Variants in MAU2 observed in about 807,000 individuals in gnomAD.
MAU2 encodes the protein MAU2 chromatid cohesion factor homolog.
MAU2 carries 9 observed loss-of-function variants against 89.1 expected under a neutral mutation model. The ratio of observed to expected loss-of-function variants is 0.10; its 90% CI spans 0.06 to 0.18. MAU2 has a LOEUF of 0.18. MAU2 is among the 10% of genes least tolerant of loss of function. The pLI, the probability that MAU2 is intolerant of heterozygous loss-of-function variation, is 1.00. For synonymous variants in MAU2, 357 were observed against 343.4 expected, an observed-to-expected ratio of 1.04 and a Z score of -0.44; for missense variants, 425 against 803.5, an observed-to-expected ratio of 0.53 and a Z score of 5.69.
intron 1 of MAU2, 38 bp downstream of exon 1, chr19:19,321,173 C>T (rs2146641419): frequency 6.5e-7 from 1 of 1,543,510 alleles, no homozygotes; most frequent in Admixed American, 1.8e-5. Context: ...GAGTCGCGGG[C>T]TCCTTGCAAG....
rs1292507552 is a variant in MAU2, at chr19:19,328,682, A to C, written c.277-7036A>C. Among the ~76,000 whole-genome samples the C allele has an allele frequency of 8.5e-5, 13 of 152,120 alleles. No individual in the cohort carries two copies. The East Asian group carries it at 2.5e-3, about 29-fold the overall frequency. On this transcript the variant is annotated intron_variant, in intron 1 of 18. Transcript: ENST00000262815. ...GTAATCCGCCCGCCTCAGCCTCCCA[A>C]AGTGCTGGGATTACAGGCGTGAGCC...
chr19:19,355,416 G>A (rs758373767), intron 18 of MAU2, 25 bp downstream of exon 18: 17 of 1,612,800 alleles, frequency 1.1e-5, no homozygotes, highest in Middle Eastern at 1.6e-4. Context: ...GTTAGGGGAC[G>A]GGATCAGGAC....
rs1000927826 is a variant in MAU2, at chr19:19,356,926, G to A, written c.*1144G>A. 1 of 152,242 alleles carries A rather than the reference G, an allele frequency of 6.6e-6. No individual in the cohort carries two copies. The highest frequency in any genetic ancestry group is 1.5e-5 in the Non-Finnish European group (1 of 68,102). The allele number at this position is 152,242 out of a possible 1,614,324, so 9.4% of individuals were successfully genotyped here. A position where few individuals can be genotyped will look rare whatever the true frequency, so the allele number is the denominator to read the frequency against. On this transcript the variant is annotated 3_prime_UTR_variant, in exon 19 of 19. Transcript: ENST00000262815. ...TGGGGCGGGTGGTCGGGTCAAGATA[G>A]CAGCAGCAGGTGTCAGGGCTCAAGA... is the stretch of plus-strand genomic sequence containing the variant.
intron 1 of MAU2, among the ~76,000 whole-genome samples, chr19:19,325,240 A>G (rs11883222): frequency 1.4e-3 from 206 of 152,216 alleles, no homozygotes; most frequent in African/African-American, 4.2e-3. Context: ...CAATGGCGCA[A>G]TCTTGGCTCA....
chr19:19,332,657 C>T (rs8103197), intron 1 of MAU2, among the ~76,000 whole-genome samples: 87,166 of 151,844 alleles, frequency 0.57, 26,385 homozygotes, highest in East Asian at 0.67. Flanking sequence ...CCCAGCTCAC[C>T]AGTGCTCACT....
At chr19:19,327,549 T>A (rs2061521675) in intron 1 of MAU2, among the ~76,000 whole-genome samples, 1 of 151,752 alleles carries the variant, frequency 6.6e-6, no homozygotes, top group Admixed American at 6.6e-5. Context: ...ATGGTCTTGA[T>A]CTCCTGACCT....
intron 4 of MAU2, among the ~76,000 whole-genome samples, chr19:19,338,015 C>G (rs2061611409): frequency 2.0e-5 from 3 of 152,252 alleles, no homozygotes; most frequent in Admixed American, 2.0e-4. Context: ...CGGCCTCTCT[C>G]TTCCATGACC....
chr19:19,329,461 C>G (rs2061537634), intron 1 of MAU2, among the ~76,000 whole-genome samples: 2 of 152,156 alleles, frequency 1.3e-5, no homozygotes, highest in South Asian at 4.1e-4. Flanking sequence ...GCACCTACTA[C>G]ATGCCAGGCC....
At chr19:19,342,976 G>A (rs1248455197) in intron 9 of MAU2, 110 bp downstream of exon 9, 3 of 1,134,200 alleles carry the variant, frequency 2.6e-6, no homozygotes, top group African/African-American at 3.0e-5. Flanking sequence ...GCAGCGCCCA[G>A]CCACCCTGCC....
intron 5 of MAU2, among the ~76,000 whole-genome samples, chr19:19,340,436 G>A (rs1269291678): frequency 3.3e-5 from 5 of 151,638 alleles, no homozygotes; most frequent in African/African-American, 7.3e-5. Flanking sequence ...TCAGGAGATC[G>A]AGACCATCCT....
intron 16 of MAU2, chr19:19,354,095 C>T: frequency 1.9e-6 from 1 of 529,554 alleles, no homozygotes; most frequent in Non-Finnish European, 3.4e-6. Context: ...CAGGTAGAAG[C>T]CCCCAAAGTT....
intron 18 of MAU2, 148 bp from the exon 19 acceptor site, chr19:19,355,559 AC>A: frequency 8.3e-7 from 1 of 1,200,382 alleles, no homozygotes; most frequent in Non-Finnish European, 1.2e-6. Flanking sequence ...CAAGCAAGGG[AC>A]CCAGGTGTCT....
chr19:19,347,389 G>C (rs1456715516), intron 13 of MAU2, 23 bp downstream of exon 13: 1 of 1,570,414 alleles, frequency 6.4e-7, no homozygotes, highest in South Asian at 1.1e-5. Flanking sequence ...CTTCATGTTC[G>C]GTATCCTTTC....
chr19:19,329,198 C>G (rs940564771), intron 1 of MAU2: 37 of 447,110 alleles, frequency 8.3e-5, no homozygotes, highest in Non-Finnish European at 1.4e-4. Context: ...ACAACTGTGT[C>G]CTGCTAAATT....
At chr19:19,324,080 C>T (rs552158630) in intron 1 of MAU2, among the ~76,000 whole-genome samples, 55 of 152,246 alleles carry the variant, frequency 3.6e-4, no homozygotes, top group Admixed American at 3.5e-3. Flanking sequence ...TTTCTGCCCA[C>T]GTAAGCCTAG....
intron 1 of MAU2, among the ~76,000 whole-genome samples, chr19:19,331,766 C>CT (rs1221361641): frequency 5.3e-5 from 8 of 152,182 alleles, no homozygotes; most frequent in African/African-American, 1.9e-4. Context: ...AAACAAAACT[C>CT]TAACAAAGAT....
chr19:19,355,685 C>A, intron 18 of MAU2, 23 bp from the exon 19 acceptor site: 1 of 1,594,806 alleles, frequency 6.3e-7, no homozygotes, highest in South Asian at 1.1e-5. Flanking sequence ...GTGCCTCACT[C>A]GCATGTCCTC....
rs865868569 is a variant in MAU2 at position 19,356,684 on chromosome 19, C to G, written c.*902C>G. On this transcript the variant is annotated 3_prime_UTR_variant, in exon 19 of 19. Transcript: ENST00000262815. ...GATCTGGAGCCCAGGGACTTTCTTC[C>G]TGGCAGATCTGTGGCCTTCCCTGCT... 1.3e-5 allele frequency: 2 copies of G among 155,100 alleles called. No individual in the cohort carries two copies. The highest frequency in any genetic ancestry group is 4.8e-5 in the African/African-American group (2 of 41,434). 9.6% of individuals were successfully genotyped at this position (155,100 alleles called of 1,614,324 possible).
At chr19:19,344,751 C>T in intron 10 of MAU2, 98 bp from the exon 11 acceptor site, 1 of 970,304 alleles carries the variant, frequency 1.0e-6, no homozygotes, top group South Asian at 1.4e-5. Flanking sequence ...TCAGACAGGA[C>T]ATGGGCTCAC....
Sources: gnomAD v4.1 joint callset for allele counts (sites outside exome capture counted in the v4.1 genomes callset) on GRCh38, gnomAD v4.1.1 for gene constraint, MANE v1.5 for transcripts, NCBI Gene and HGNC (gene_info 2026-07-23, HGNC 2026-07-21) for gene names.